RABGAP1L: variants seen among roughly 807,000 people sequenced by gnomAD.
RABGAP1L encodes the protein RAB GTPase activating protein 1 like, also known as rab GTPase-activating protein 1-like.
Under a neutral mutation model 137.7 loss-of-function variants are expected in RABGAP1L, and 63 were observed. The ratio of observed to expected loss-of-function variants is 0.46; its 90% confidence interval spans 0.37 to 0.56. The LOEUF (loss-of-function observed/expected upper bound fraction) is 0.56. Ranked by LOEUF, RABGAP1L falls within the 20% of genes least tolerant of loss-of-function variation. The pLI, the probability that RABGAP1L is intolerant of heterozygous loss-of-function variation, is 0.00. For synonymous variants in RABGAP1L, 431 were observed against 433.7 expected, an observed-to-expected ratio of 0.99 and a Z score of 0.08; for missense variants, 1,095 against 1,244.0, an observed-to-expected ratio of 0.88 and a Z score of 1.80.
chr1:174,387,477 C>T (rs1177168418), intron 12 of RABGAP1L, among the ~76,000 whole-genome samples: 1 of 151,892 alleles, frequency 6.6e-6, no homozygotes, highest in Non-Finnish European at 1.5e-5. Context: ...TCTCATGTGC[C>T]CACTGCCCAA....
chr1:174,183,894 CTCA>C (rs1255661686), intron 1 of RABGAP1L, among the ~76,000 whole-genome samples: 1 of 134,590 alleles, frequency 7.4e-6, no homozygotes, highest in Non-Finnish European at 1.6e-5. Flanking sequence ...GAGATGGAGT[CTCA>C]CTCTGTTGCC....
intron 17 of RABGAP1L, among the ~76,000 whole-genome samples, chr1:174,728,719 G>A (rs1230358091): frequency 6.7e-6 from 1 of 150,232 alleles, no homozygotes; most frequent in African/African-American, 2.5e-5. Flanking sequence ...TCGGCTCACT[G>A]CAACCTCTGC....
In RABGAP1L at chr1:174,384,678, A is replaced by G. The variant is rs149273502; in HGVS notation, c.1560-9317A>G. 1.2e-3 allele frequency among the ~76,000 whole-genome samples: 178 copies of G among 152,272 alleles called. 1 individual carries two copies. Among genetic ancestry groups the G allele is most frequent in the African/African-American group, 4.2e-3 (174 of 41,570 alleles). On this transcript the variant is annotated intron_variant, in intron 12 of 25. Transcript: ENST00000681986. Reference sequence around the variant, plus strand: ...TATTATAGGTAACTCTGTCTTAACTAACTTCTCTCTTCTTATCCTGCAAAG... The same window carrying G: ...TATTATAGGTAACTCTGTCTTAACTGACTTCTCTCTTCTTATCCTGCAAAG...
chr1:174,399,990 A>C (rs989747769), intron 13 of RABGAP1L, among the ~76,000 whole-genome samples: 1 of 152,070 alleles, frequency 6.6e-6, no homozygotes, highest in Admixed American at 6.6e-5. Context: ...TTCCATGAAA[A>C]AGTAGTCTAC....
chr1:174,354,709 G>T (rs1420563294), intron 11 of RABGAP1L, among the ~76,000 whole-genome samples: 1 of 152,040 alleles, frequency 6.6e-6, no homozygotes, highest in Non-Finnish European at 1.5e-5. Context: ...CATTGCTTTT[G>T]GTGTTTTAGA....
At chr1:174,311,380 G>C (rs990779273) in intron 11 of RABGAP1L, among the ~76,000 whole-genome samples, 1 of 152,150 alleles carries the variant, frequency 6.6e-6, no homozygotes, top group East Asian at 1.9e-4. Flanking sequence ...TACTAGGTCT[G>C]TCCCTCAACA....
intron 13 of RABGAP1L, among the ~76,000 whole-genome samples, chr1:174,616,304 A>G (rs575818433): frequency 1.3e-5 from 2 of 152,316 alleles, no homozygotes; most frequent in East Asian, 3.9e-4. Flanking sequence ...TTATGGTACA[A>G]ATTATTAGCT....
chr1:174,469,300 G>T (rs1375133609), intron 13 of RABGAP1L, among the ~76,000 whole-genome samples: 1 of 152,072 alleles, frequency 6.6e-6, no homozygotes, highest in African/African-American at 2.4e-5. Context: ...TCATATTATT[G>T]TCTGTATCTT....
chr1:174,341,787 A>G (rs1681996003), intron 11 of RABGAP1L, among the ~76,000 whole-genome samples: 1 of 152,180 alleles, frequency 6.6e-6, no homozygotes. Context: ...GCTTAATGAA[A>G]TGTGTTTCAA....
At chr1:174,388,550 G>T (rs545829716) in intron 12 of RABGAP1L, among the ~76,000 whole-genome samples, 3 of 151,876 alleles carry the variant, frequency 2.0e-5, no homozygotes, top group Non-Finnish European at 4.4e-5. Flanking sequence ...AAAACTAAAC[G>T]TGGTAGCAAG....
chr1:174,329,525 A>T (rs1680828762), intron 11 of RABGAP1L, among the ~76,000 whole-genome samples: 1 of 152,318 alleles, frequency 6.6e-6, no homozygotes, highest in East Asian at 1.9e-4. Context: ...CAAAGACACA[A>T]CAAAAGAGAA....
At chr1:174,858,217 A>G (rs1379637739) in intron 19 of RABGAP1L, among the ~76,000 whole-genome samples, 1 of 151,956 alleles carries the variant, frequency 6.6e-6, no homozygotes, top group Non-Finnish European at 1.5e-5. Flanking sequence ...GGGTCTCACT[A>G]CGTTACTTAT....
intron 13 of RABGAP1L, among the ~76,000 whole-genome samples, chr1:174,605,030 T>C (rs1349996308): frequency 1.3e-5 from 2 of 152,086 alleles, no homozygotes; most frequent in Non-Finnish European, 2.9e-5. Flanking sequence ...AATCCTAGCT[T>C]CTCAGGTTGC....
In RABGAP1L at chr1:174,990,060, T is replaced by A. The variant is rs1671958482; in HGVS notation, c.*59T>A. 2 of 1,447,682 alleles carry A rather than the reference T, an allele frequency of 1.4e-6. No individual in the cohort carries two copies. Among genetic ancestry groups the A allele is most frequent in the Admixed American group, 4.5e-5 (2 of 44,932 alleles). The allele number at this position is 1,447,682 out of a possible 1,614,324, so 89.7% of individuals were successfully genotyped here. ...TCAAACCAATGGAAATCTGGGAGGA[T>A]TCTTCCTGGTGTCCCTTTGAAGGAA... On this transcript the variant is annotated 3_prime_UTR_variant, in exon 26 of 26. Coordinates refer to ENST00000681986, the MANE Select transcript of RABGAP1L (RefSeq NM_001366446.1).
chr1:174,611,532 G>A (rs1162959673), intron 13 of RABGAP1L, among the ~76,000 whole-genome samples: 15 of 148,290 alleles, frequency 1.0e-4, no homozygotes, highest in African/African-American at 1.8e-4. Flanking sequence ...TTGACTTGGC[G>A]ATGCGGGCTC....
intron 13 of RABGAP1L, among the ~76,000 whole-genome samples, chr1:174,610,070 T>C (rs1317923995): frequency 6.6e-6 from 1 of 151,308 alleles, no homozygotes; most frequent in Non-Finnish European, 1.5e-5. Flanking sequence ...TTATTATTAT[T>C]ATATTTTAAG....
intron 19 of RABGAP1L, among the ~76,000 whole-genome samples, chr1:174,850,340 C>T (rs1172329857): frequency 2.0e-5 from 3 of 152,174 alleles, no homozygotes; most frequent in East Asian, 3.9e-4. Flanking sequence ...AATACATATG[C>T]TTTAATAAAT....
intron 13 of RABGAP1L, among the ~76,000 whole-genome samples, chr1:174,570,885 A>C (rs1046523434): frequency 2.6e-5 from 4 of 152,212 alleles, no homozygotes; most frequent in Non-Finnish European, 5.9e-5. Context: ...CTAAAAATTT[A>C]GTTGCCATAT....
chr1:174,968,215 T>C (rs12072529), intron 20 of RABGAP1L, among the ~76,000 whole-genome samples: 19,261 of 152,236 alleles, frequency 0.13, 4,045 homozygotes, highest in African/African-American at 0.44. Context: ...CCAAAACATA[T>C]ATTTGTCTTC....
Sources: gnomAD v4.1 joint callset for allele counts (sites outside exome capture counted in the v4.1 genomes callset) on GRCh38, gnomAD v4.1.1 for gene constraint, MANE v1.5 for transcripts, NCBI Gene and HGNC (gene_info 2026-07-23, HGNC 2026-07-21) for gene names.